The following WDR70 variants were observed in gnomAD, a reference collection of about 807,000 sequenced individuals.
The protein encoded by WDR70 is WD repeat domain 70.
A neutral mutation model predicts 88.6 loss-of-function variants in WDR70; 53 were observed. The ratio of observed to expected loss-of-function variants is 0.60; its 90% CI spans 0.48 to 0.75. The LOEUF is 0.75. Ranked by LOEUF, WDR70 falls within the 30% of genes least tolerant of loss-of-function variation. The pLI is 0.00. For synonymous variants in WDR70, 280 were observed against 270.0 expected, an observed-to-expected ratio of 1.04 and a Z score of -0.36; for missense variants, 610 against 823.2, an observed-to-expected ratio of 0.74 and a Z score of 3.17.
chr5:37,499,540 A>T (rs1245771734), intron 8 of WDR70, among the ~76,000 whole-genome samples: 4 of 145,332 alleles, frequency 2.8e-5, no homozygotes, highest in Non-Finnish European at 4.5e-5. Flanking sequence ...TTAAAAATAT[A>T]TATATTCTCA....
At chr5:37,677,091 T>C (rs371779518) in intron 10 of WDR70, among the ~76,000 whole-genome samples, 2 of 152,180 alleles carry the variant, frequency 1.3e-5, no homozygotes, top group African/African-American at 4.8e-5. Flanking sequence ...TCCCCTTTAT[T>C]ATTTTTTATT....
intron 7 of WDR70, among the ~76,000 whole-genome samples, chr5:37,449,770 T>C (rs1350697807): frequency 3.3e-5 from 5 of 152,106 alleles, no homozygotes; most frequent in Non-Finnish European, 7.4e-5. Context: ...TACTATACTT[T>C]TAAGTTCTGG....
intron 10 of WDR70, among the ~76,000 whole-genome samples, chr5:37,634,306 A>G (rs1744899813): frequency 6.6e-6 from 1 of 151,474 alleles, no homozygotes; most frequent in Admixed American, 6.6e-5. Flanking sequence ...CTCAAAAAAA[A>G]AAAAAGAAAA....
chr5:37,644,604 G>A (rs1316814472), intron 10 of WDR70, among the ~76,000 whole-genome samples: 1 of 151,942 alleles, frequency 6.6e-6, no homozygotes, highest in Non-Finnish European at 1.5e-5. Flanking sequence ...AAGCCAGCAG[G>A]TCCCAGACTT....
At chr5:37,540,151 G>A in intron 9 of WDR70, among the ~76,000 whole-genome samples, 1 of 152,140 alleles carries the variant, frequency 6.6e-6, no homozygotes, top group East Asian at 1.9e-4. Context: ...ACAAATAACT[G>A]ACAGTTGATT....
chr5:37,635,538 T>C (rs959675460), intron 10 of WDR70, among the ~76,000 whole-genome samples: 4 of 152,144 alleles, frequency 2.6e-5, no homozygotes, highest in Admixed American at 1.3e-4. Flanking sequence ...AGAATTGTGG[T>C]CACAAAAGAA....
intron 9 of WDR70, among the ~76,000 whole-genome samples, chr5:37,564,998 A>G (rs962962209): frequency 1.5e-4 from 23 of 152,302 alleles, no homozygotes; most frequent in African/African-American, 5.3e-4. Context: ...TACGTAGCTA[A>G]GATTCAAATA....
chr5:37,707,948 A>AAAAAAAATAT (rs1561083728), intron 13 of WDR70, among the ~76,000 whole-genome samples: 1 of 33,770 alleles, frequency 3.0e-5, no homozygotes, highest in Non-Finnish European at 5.2e-5. Context: ...AAAAAAAAAA[A>AAAAAAAATAT]ATATATATAT....
intron 9 of WDR70, among the ~76,000 whole-genome samples, chr5:37,553,271 A>G (rs1742199525): frequency 6.6e-6 from 1 of 152,148 alleles, no homozygotes. Flanking sequence ...GCTATGTTAC[A>G]CATTTATTTA....
chr5:37,569,400 A>G (rs1378163200), intron 9 of WDR70, among the ~76,000 whole-genome samples: 2 of 152,262 alleles, frequency 1.3e-5, no homozygotes, highest in South Asian at 2.1e-4. Flanking sequence ...ATTTATTTCT[A>G]TGGTTGTTTG....
At chr5:37,414,601 GT>G (rs765190732) in intron 5 of WDR70, among the ~76,000 whole-genome samples, 7,795 of 121,230 alleles carry the variant, frequency 0.064, 557 homozygotes, top group African/African-American at 0.19. Context: ...AGGACAGTCT[GT>G]TTTTTTTTTT....
At chr5:37,684,952 G>A (rs953244146) in intron 10 of WDR70, among the ~76,000 whole-genome samples, 1 of 152,236 alleles carries the variant, frequency 6.6e-6, no homozygotes, top group African/African-American at 2.4e-5. Context: ...TGGTGTGTAT[G>A]TGGTCATGCT....
chr5:37,584,997 C>CTTT (rs34031872), intron 9 of WDR70, among the ~76,000 whole-genome samples: 1 of 142,338 alleles, frequency 7.0e-6, no homozygotes. Flanking sequence ...TCTTTGTCCA[C>CTTT]TTTTTTTTTT....
At chr5:37,602,497 C>T (rs2112470968) in intron 9 of WDR70, among the ~76,000 whole-genome samples, 1 of 151,680 alleles carries the variant, frequency 6.6e-6, no homozygotes, top group South Asian at 2.1e-4. Context: ...ATCCCAGCTA[C>T]TCGGGAAGCT....
At chr5:37,464,706 A>G (rs1206186625) in intron 7 of WDR70, among the ~76,000 whole-genome samples, 2 of 152,194 alleles carry the variant, frequency 1.3e-5, no homozygotes, top group Non-Finnish European at 2.9e-5. Flanking sequence ...TCACTCTGCT[A>G]TAATACTGCC....
At chr5:37,614,339 A>C (rs1330440826) in intron 10 of WDR70, among the ~76,000 whole-genome samples, 3 of 152,132 alleles carry the variant, frequency 2.0e-5, no homozygotes, top group African/African-American at 7.2e-5. Flanking sequence ...CTGTGATTAC[A>C]TCTAGCCTAC....
intron 10 of WDR70, among the ~76,000 whole-genome samples, chr5:37,675,444 C>T (rs993736334): frequency 6.6e-6 from 1 of 152,106 alleles, no homozygotes; most frequent in Non-Finnish European, 1.5e-5. Flanking sequence ...TTTCAGCTTT[C>T]TACATATGGC....
At chr5:37,497,674 T>G (rs1426030271) in intron 8 of WDR70, among the ~76,000 whole-genome samples, 1 of 152,122 alleles carries the variant, frequency 6.6e-6, no homozygotes, top group Non-Finnish European at 1.5e-5. Context: ...TTCTCTTTTT[T>G]TAATTAATTA....
intron 8 of WDR70, chr5:37,506,832 G>T: frequency 1.5e-6 from 2 of 1,292,692 alleles, no homozygotes; most frequent in Non-Finnish European, 2.2e-6. Flanking sequence ...GGGGGCTGCT[G>T]TTCAGGAACA....
Sources: gnomAD v4.1 joint callset for allele counts (sites outside exome capture counted in the v4.1 genomes callset) on GRCh38, gnomAD v4.1.1 for gene constraint, MANE v1.5 for transcripts, NCBI Gene and HGNC (gene_info 2026-07-23, HGNC 2026-07-21) for gene names.